REDIC1: variants seen among roughly 807,000 people sequenced by gnomAD.
The protein encoded by REDIC1 is regulator of DNA class I crossover intermediates 1, also known as HEI10 Interacting Protein 1.
chr12:39,755,919 G>A, the REDIC1 span: 1 of 151,868 alleles, frequency 6.6e-6, no homozygotes, highest in African/African-American at 2.4e-5. Context: ...GATGATTACT[G>A]GCACACAAAA....
At chr12:39,647,730 C>T in the REDIC1 span, 2 of 1,181,902 alleles carry the variant, frequency 1.7e-6, no homozygotes, top group Non-Finnish European at 1.1e-6. Context: ...ACTATTTTGA[C>T]TTTCCTCTTC....
chr12:39,743,514 C>T, the REDIC1 span, among the ~76,000 whole-genome samples: 1,911 of 152,254 alleles, frequency 0.013, 16 homozygotes, highest in Non-Finnish European at 0.021. Flanking sequence ...AAAGCAGTCA[C>T]GTACCAGACT....
At chr12:39,802,146 C>T in the REDIC1 span, 2 of 152,246 alleles carry the variant, frequency 1.3e-5, no homozygotes, top group South Asian at 2.1e-4. Flanking sequence ...ATCTTTGCGA[C>T]TGCATATGGC....
At chr12:39,635,913 C>T in the REDIC1 span, among the ~76,000 whole-genome samples, 2 of 152,002 alleles carry the variant, frequency 1.3e-5, no homozygotes, top group Non-Finnish European at 2.9e-5. Context: ...GGAAATCTTA[C>T]GAAGTTTGTA....
the REDIC1 span, among the ~76,000 whole-genome samples, chr12:39,773,780 A>G: frequency 6.6e-6 from 1 of 152,186 alleles, no homozygotes; most frequent in South Asian, 2.1e-4. Context: ...CCAACTTCAT[A>G]TATTGAGTCC....
the REDIC1 span, chr12:39,643,746 T>G: frequency 7.1e-7 from 1 of 1,401,516 alleles, no homozygotes; most frequent in East Asian, 2.5e-5. Flanking sequence ...ACCGCATATT[T>G]GCTGCATTGT....
At chr12:39,826,517 G>T in the REDIC1 span, among the ~76,000 whole-genome samples, 1 of 146,388 alleles carries the variant, frequency 6.8e-6, no homozygotes, top group Admixed American at 6.8e-5. Context: ...CCCTCTAACA[G>T]TTCATATTTT....
the REDIC1 span, among the ~76,000 whole-genome samples, chr12:39,896,329 T>C: frequency 4.9e-5 from 7 of 142,444 alleles, 1 homozygote; most frequent in South Asian, 1.1e-3. Context: ...TGTATATGTG[T>C]ATATATGTAT....
the REDIC1 span, among the ~76,000 whole-genome samples, chr12:39,654,438 A>G: frequency 2.0e-5 from 3 of 152,066 alleles, no homozygotes; most frequent in African/African-American, 7.2e-5. Flanking sequence ...ATACAAAAAA[A>G]TTAGTCCGGT....
chr12:39,639,125 A>C, the REDIC1 span, among the ~76,000 whole-genome samples: 1 of 152,048 alleles, frequency 6.6e-6, no homozygotes, highest in Non-Finnish European at 1.5e-5. Flanking sequence ...TGTGAGTTTT[A>C]AAATGATGGA....
chr12:39,900,975 C>T, the REDIC1 span, among the ~76,000 whole-genome samples: 55 of 152,070 alleles, frequency 3.6e-4, no homozygotes, highest in South Asian at 2.3e-3. Flanking sequence ...AGCATGGTAC[C>T]GGTACCAAAA....
the REDIC1 span, chr12:39,721,239 T>C: frequency 6.2e-7 from 1 of 1,611,436 alleles, no homozygotes; most frequent in African/African-American, 1.3e-5. Context: ...AGGAAATCCA[T>C]AAGAACAACT....
chr12:39,807,149 A>T, the REDIC1 span, among the ~76,000 whole-genome samples: 1 of 152,148 alleles, frequency 6.6e-6, no homozygotes, highest in Non-Finnish European at 1.5e-5. Flanking sequence ...AATTGCAAAA[A>T]CCTCGATAAC....
the REDIC1 span, among the ~76,000 whole-genome samples, chr12:39,818,927 T>C: frequency 2.6e-5 from 4 of 152,188 alleles, no homozygotes; most frequent in East Asian, 7.7e-4. Context: ...GCCTGTTTCC[T>C]AAGCCAATTA....
At chr12:39,846,760 T>C in the REDIC1 span, among the ~76,000 whole-genome samples, 29 of 152,298 alleles carry the variant, frequency 1.9e-4, no homozygotes, top group Non-Finnish European at 3.8e-4. Flanking sequence ...CCTCACTTAA[T>C]TTGTTTAAGC....
chr12:39,711,489 GTA>G, the REDIC1 span, among the ~76,000 whole-genome samples: 1 of 140,342 alleles, frequency 7.1e-6, no homozygotes, highest in Admixed American at 7.1e-5. Context: ...GTGTATATAT[GTA>G]TATAAGTATG....
the REDIC1 span, among the ~76,000 whole-genome samples, chr12:39,874,931 T>G: frequency 6.6e-6 from 1 of 152,192 alleles, no homozygotes; most frequent in African/African-American, 2.4e-5. Flanking sequence ...TGGAAAACAG[T>G]AAGGGGAGGA....
the REDIC1 span, among the ~76,000 whole-genome samples, chr12:39,766,943 T>C: frequency 6.6e-6 from 1 of 152,056 alleles, no homozygotes; most frequent in African/African-American, 2.4e-5. Context: ...TTTAAAGTCA[T>C]CCATAAAGGT....
At chr12:39,826,785 A>G in the REDIC1 span, among the ~76,000 whole-genome samples, 6 of 150,520 alleles carry the variant, frequency 4.0e-5, no homozygotes, top group African/African-American at 9.8e-5. Context: ...TGCACCAATC[A>G]TAAGTATATA....
Sources: allele counts gnomAD v4.1 joint callset (sites outside exome capture counted in the v4.1 genomes callset), GRCh38; gene constraint gnomAD v4.1.1; transcripts MANE v1.5; gene names NCBI Gene and HGNC (gene_info 2026-07-23, HGNC 2026-07-21).